Variants in OTUD7A observed in about 807,000 individuals in gnomAD.
OTUD7A encodes OTU domain-containing protein 7A.
Under a neutral mutation model 65.7 loss-of-function variants are expected in OTUD7A, and 12 were observed. That is an observed-to-expected ratio of 0.18 (90% CI 0.12 to 0.30). The LOEUF is 0.30. Ranked by LOEUF, OTUD7A falls within the 10% of genes least tolerant of loss-of-function variation. The pLI is 1.00. For synonymous variants in OTUD7A, 641 were observed against 586.3 expected (o/e 1.09, Z -1.35); for missense variants, 1,148 against 1,304.8 (o/e 0.88, Z 1.85).
Position 31,484,574 on chromosome 15 carries a change from G to GCTTCTC in OTUD7A, c.1516_1521dup (p.Glu506_Lys507dup), listed in dbSNP as rs1289433109. ...CGCGTCTTGTCCTTCTCCTTGCGCT[G>GCTTCTC]CTTCTCCTTCTCCTTGTCCTTGCCG... On this transcript the variant is annotated inframe_insertion, in exon 13 of 13. Coordinates refer to ENST00000307050, the MANE Select transcript of OTUD7A (RefSeq NM_001382637.1). The surrounding 1 kb of genome is among the most constrained non-coding windows in gnomAD (Gnocchi z 4.5). 5.6e-6 allele frequency: 9 copies of GCTTCTC among 1,610,856 alleles called. No homozygotes were observed. Among genetic ancestry groups the GCTTCTC allele is most frequent in the Non-Finnish European group, 7.6e-6 (9 of 1,179,572 alleles).
intron 3 of OTUD7A, among the ~76,000 whole-genome samples, chr15:31,586,151 G>A (rs764870981): frequency 3.7e-4 from 56 of 152,090 alleles, no homozygotes; most frequent in Admixed American, 3.3e-4. Flanking sequence ...CATTTATCTG[G>A]TTTCTTTCCT....
intron 3 of OTUD7A, among the ~76,000 whole-genome samples, chr15:31,611,184 A>C (rs899820411): frequency 6.6e-5 from 10 of 152,176 alleles, no homozygotes; most frequent in African/African-American, 2.2e-4. Context: ...ATAGCCCTAC[A>C]CGCCTACATC....
rs2041033673 is a variant in OTUD7A, at chr15:31,477,064, T to C, written c.*6230A>G. 1 of 152,418 alleles carries C rather than the reference T, an allele frequency of 6.6e-6. No individual in the cohort carries two copies. Among genetic ancestry groups the C allele is most frequent in the Non-Finnish European group, 1.5e-5 (1 of 68,198 alleles). The allele number at this position is 152,418 out of a possible 1,614,324, so 9.4% of individuals were successfully genotyped here. Reference sequence around the variant, plus strand: ...TGACCTTCCAGTGCACCTCCACCAGTGGCCAATGGGGATACCCGGGGGCCT... The same window carrying C: ...TGACCTTCCAGTGCACCTCCACCAGCGGCCAATGGGGATACCCGGGGGCCT... On this transcript the variant is annotated 3_prime_UTR_variant, in exon 13 of 13. Coordinates refer to ENST00000307050, the MANE Select transcript of OTUD7A (RefSeq NM_001382637.1).
intron 3 of OTUD7A, among the ~76,000 whole-genome samples, chr15:31,579,615 A>G (rs772529876): frequency 2.6e-5 from 4 of 152,236 alleles, no homozygotes; most frequent in Non-Finnish European, 5.9e-5. Flanking sequence ...TAGTATTTTC[A>G]GATCGTGATT....
rs573864983 is a variant in OTUD7A, at chr15:31,648,839, C to T, written c.151+6257G>A. 2.6e-5 allele frequency among the ~76,000 whole-genome samples: 4 copies of T among 152,326 alleles called. No homozygotes were observed. The South Asian group carries it at 8.3e-4, about 32-fold the overall frequency. On this transcript the variant is annotated intron_variant, in intron 3 of 12. Transcript: ENST00000307050. ...GTAATGGTGCGATCTCAGCTCACTA[C>T]AACCTCCGCCTCCTGGGTTTAAGCG...
intron 1 of OTUD7A, among the ~76,000 whole-genome samples, chr15:31,669,367 G>A (rs921918053): frequency 8.5e-5 from 13 of 152,188 alleles, no homozygotes; most frequent in Admixed American, 2.0e-4. Context: ...GGTCAATGGA[G>A]TTGTGTACCT....
At chr15:31,502,615 G>A (rs1433664503) in intron 9 of OTUD7A, among the ~76,000 whole-genome samples, 2 of 152,222 alleles carry the variant, frequency 1.3e-5, no homozygotes, top group South Asian at 2.1e-4. Flanking sequence ...AGGAGAGTCA[G>A]ACTGAGAGGC....
At chr15:31,618,291 C>A (rs1187399863) in intron 3 of OTUD7A, among the ~76,000 whole-genome samples, 1 of 152,164 alleles carries the variant, frequency 6.6e-6, no homozygotes, top group Non-Finnish European at 1.5e-5. Flanking sequence ...TGGGTATATA[C>A]CCAGTAATGG....
intron 1 of OTUD7A, among the ~76,000 whole-genome samples, chr15:31,832,609 C>A (rs186280224): frequency 4.0e-4 from 61 of 152,232 alleles, no homozygotes; most frequent in African/African-American, 1.3e-3. Flanking sequence ...CTCCACATTA[C>A]CCCCCTCATC....
intron 8 of OTUD7A, among the ~76,000 whole-genome samples, chr15:31,514,053 CTTTCTTTTTT>C (rs2041805551): frequency 4.4e-5 from 2 of 45,394 alleles, no homozygotes; most frequent in African/African-American, 1.6e-4. Flanking sequence ...TTCTTTCTTT[CTTTCTTTTTT>C]TTTTTTTTGA....
At chr15:31,719,626 C>T (rs954762448) in intron 1 of OTUD7A, among the ~76,000 whole-genome samples, 6 of 152,120 alleles carry the variant, frequency 3.9e-5, no homozygotes, top group African/African-American at 1.4e-4. Flanking sequence ...TCCTTGCCAG[C>T]GTCCCTGCCC....
At chr15:31,781,390 G>A (rs1368852961) in intron 1 of OTUD7A, among the ~76,000 whole-genome samples, 1 of 152,168 alleles carries the variant, frequency 6.6e-6, no homozygotes, top group Non-Finnish European at 1.5e-5. Context: ...GCCTCTGCAT[G>A]AGCCCAGCCC....
chr15:31,527,218 C>T lies in OTUD7A; in HGVS notation c.743G>A (p.Arg248Gln), dbSNP rs1314456081. The T allele has an allele frequency of 1.9e-6, 3 of 1,614,098 alleles. No homozygotes were observed. Among genetic ancestry groups the T allele is most frequent in the South Asian group, 1.1e-5 (1 of 91,086 alleles). ...RTGAEREALK[R>Q]RWRWQQTQQN... ...CTGCGTCTGCTGCCACCTCCACCTC[C>T]GCTTCAGGGCTTCCCTCTCAGCTCC... The change falls in exon 7 of 13, where the codon CGG becomes CAG. Residue 248 changes from arginine to glutamine, a missense_variant. Physicochemically the swap from Arg to Gln is conservative, Grantham distance 43. This residue lies in a region of OTUD7A where 134 missense variants were observed against 252.6 expected (regional missense o/e 0.53). Transcript: ENST00000307050.
intron 1 of OTUD7A, among the ~76,000 whole-genome samples, chr15:31,831,037 G>A (rs1896917010): frequency 6.6e-6 from 1 of 152,146 alleles, no homozygotes; most frequent in African/African-American, 2.4e-5. Context: ...TTTGACAAAG[G>A]CACCACTATA....
intron 1 of OTUD7A, among the ~76,000 whole-genome samples, chr15:31,677,944 G>A (rs1211307493): frequency 6.6e-6 from 1 of 152,244 alleles, no homozygotes; most frequent in African/African-American, 2.4e-5. Context: ...GACTTGCTGA[G>A]TGGCTTTGAT....
intron 1 of OTUD7A, among the ~76,000 whole-genome samples, chr15:31,760,796 A>G (rs1279992917): frequency 2.0e-5 from 3 of 152,210 alleles, no homozygotes; most frequent in Non-Finnish European, 1.5e-5. Flanking sequence ...TGACTTTAAA[A>G]TTTATGATAA....
At chr15:31,549,183 T>C (rs574447044) in intron 5 of OTUD7A, among the ~76,000 whole-genome samples, 1 of 150,776 alleles carries the variant, frequency 6.6e-6, no homozygotes. Flanking sequence ...AATGCATGCC[T>C]GCCTCTAGGC....
chr15:31,559,778 C>A (rs145407759), intron 4 of OTUD7A, among the ~76,000 whole-genome samples: 1 of 152,160 alleles, frequency 6.6e-6, no homozygotes, highest in Non-Finnish European at 1.5e-5. Flanking sequence ...GGACACACAG[C>A]GCACATACAT....
intron 3 of OTUD7A, among the ~76,000 whole-genome samples, chr15:31,583,065 CA>C (rs1431346166): frequency 6.6e-6 from 1 of 152,202 alleles, no homozygotes; most frequent in Non-Finnish European, 1.5e-5. Context: ...CAATGCAACC[CA>C]GTTTGGCAAA....
Sources: allele counts gnomAD v4.1 joint callset (sites outside exome capture counted in the v4.1 genomes callset), GRCh38; gene constraint gnomAD v4.1.1; regional missense constraint gnomAD v4.1.1; non-coding constraint Gnocchi (gnomAD v3.1); transcripts MANE v1.5; gene names NCBI Gene and HGNC (gene_info 2026-07-23, HGNC 2026-07-21).